The following BANK1 variants were observed in gnomAD, a reference collection of about 807,000 sequenced individuals.
BANK1 encodes the protein B cell scaffold protein with ankyrin repeats 1.
In BANK1, 95 loss-of-function variants were observed where a neutral mutation model predicts 94.5. The observed-to-expected ratio is 1.00, with a 90% CI of 0.85 to 1.19. The LOEUF (loss-of-function observed/expected upper bound fraction) is 1.19, where lower values mean the gene tolerates loss of function less well. Ranked by LOEUF, BANK1 falls within the 50% of genes most tolerant of loss-of-function variation. BANK1 has a pLI of 0.00. For synonymous variants in BANK1, 334 were observed against 308.4 expected, an observed-to-expected ratio of 1.08 and a Z score of -0.87; for missense variants, 987 against 932.2, an observed-to-expected ratio of 1.06 and a Z score of -0.77.
chr4:102,048,025 A>G (rs534426912), intron 11 of BANK1, among the ~76,000 whole-genome samples: 3 of 152,318 alleles, frequency 2.0e-5, no homozygotes, highest in Admixed American at 6.5e-5. Context: ...ATCAAGGTCA[A>G]TTACCTCTAG....
At chr4:102,004,209 C>T (rs1231305270) in intron 7 of BANK1, among the ~76,000 whole-genome samples, 1 of 152,138 alleles carries the variant, frequency 6.6e-6, no homozygotes, top group Non-Finnish European at 1.5e-5. Context: ...TTGCCTGGCA[C>T]ATAGTAGGTG....
At chr4:101,803,097 A>G (rs898716866) in intron 1 of BANK1, among the ~76,000 whole-genome samples, 1 of 151,718 alleles carries the variant, frequency 6.6e-6, no homozygotes, top group South Asian at 2.1e-4. Flanking sequence ...TTATTTAACT[A>G]TGGGATGCAT....
rs1367290917 is a variant in BANK1, at chr4:101,936,221, G to A, written c.1206+18032G>A. Among the ~76,000 whole-genome samples, 3 of 140,090 alleles carry A rather than the reference G, an allele frequency of 2.1e-5. No homozygotes were observed. In the Admixed American group the frequency reaches 2.4e-4, roughly 11 times the overall value. The allele number at this position is 140,090 out of a possible 152,430, so 91.9% of individuals were successfully genotyped here. On this transcript the variant is annotated intron_variant, in intron 7 of 16. Transcript: ENST00000322953. Reference sequence around the variant, plus strand: ...TTTTTTATATATCATATATGTACATGTACACATATATGATATGTATACATA... The same window carrying A: ...TTTTTTATATATCATATATGTACATATACACATATATGATATGTATACATA...
chr4:102,012,077 T>A (rs1295223535), intron 7 of BANK1, among the ~76,000 whole-genome samples: 32 of 152,220 alleles, frequency 2.1e-4, no homozygotes, highest in Admixed American at 2.1e-3. Flanking sequence ...GATACTTCTC[T>A]GCTTAATGAT....
chr4:101,813,774 G>T, intron 1 of BANK1: 1 of 681,956 alleles, frequency 1.5e-6, no homozygotes, highest in Non-Finnish European at 1.8e-6. Flanking sequence ...AGGCCTTGGG[G>T]AGCTTCTGCG....
intron 3 of BANK1, among the ~76,000 whole-genome samples, chr4:101,860,439 AT>A (rs1727825564): frequency 6.7e-6 from 1 of 149,928 alleles, no homozygotes; most frequent in African/African-American, 2.5e-5. Context: ...TTTTATTTTT[AT>A]TTTTTTTCGA....
At chr4:101,862,699 T>C in intron 4 of BANK1, 35 bp downstream of exon 4, 1 of 1,540,410 alleles carries the variant, frequency 6.5e-7, no homozygotes, top group Non-Finnish European at 8.7e-7. Context: ...GCATAAAACA[T>C]TATCCTGAGT....
chr4:101,911,478 C>T (rs1722662506), intron 6 of BANK1, among the ~76,000 whole-genome samples: 1 of 152,010 alleles, frequency 6.6e-6, no homozygotes, highest in South Asian at 2.1e-4. Flanking sequence ...CCATTTTGTC[C>T]TTATGGGTAA....
At position 102,060,404 on chromosome 4, in the gene BANK1, G is replaced by A. The variant is rs1212624011; in HGVS notation, c.2148+15G>A. 6.3e-7 allele frequency: 1 copy of A among 1,589,030 alleles called. No homozygotes were observed. ...TGATTCAGCAGGTAATATTGGCCCA[G>A]TGTTTTCTGGGACATTCCCTCACTT... On this transcript the variant is annotated intron_variant, in intron 12 of 16. Transcript: ENST00000322953.
intron 7 of BANK1, among the ~76,000 whole-genome samples, chr4:101,966,734 T>C (rs1724776388): frequency 6.6e-6 from 1 of 152,004 alleles, no homozygotes; most frequent in Non-Finnish European, 1.5e-5. Context: ...ACTTCAAGGA[T>C]AAGAAATATT....
chr4:101,862,982 T>G (rs1727936019), intron 4 of BANK1, among the ~76,000 whole-genome samples: 1 of 152,070 alleles, frequency 6.6e-6, no homozygotes, highest in Non-Finnish European at 1.5e-5. Flanking sequence ...TTTGCTTTTT[T>G]GTGACATTTG....
At chr4:102,022,051 T>C (rs1726925880) in intron 8 of BANK1, among the ~76,000 whole-genome samples, 1 of 152,078 alleles carries the variant, frequency 6.6e-6, no homozygotes. Flanking sequence ...TACATGTATA[T>C]AAACGTATAT....
intron 7 of BANK1, among the ~76,000 whole-genome samples, chr4:101,939,789 T>A (rs1723682771): frequency 6.6e-6 from 1 of 151,644 alleles, no homozygotes; most frequent in African/African-American, 2.4e-5. Context: ...AAAGTTGACA[T>A]GATTTTAATA....
At chr4:101,831,977 A>G (rs891504915) in intron 2 of BANK1, among the ~76,000 whole-genome samples, 2 of 152,128 alleles carry the variant, frequency 1.3e-5, no homozygotes, top group East Asian at 3.9e-4. Flanking sequence ...CAGGGCTTAC[A>G]TTGTTGACAG....
intron 5 of BANK1, among the ~76,000 whole-genome samples, chr4:101,874,455 C>T (rs1181948429): frequency 6.6e-6 from 1 of 152,054 alleles, no homozygotes. Flanking sequence ...GCTTTTAGGT[C>T]CCTATCTTTC....
At chr4:102,029,562 AT>A (rs1419775754) in intron 9 of BANK1, among the ~76,000 whole-genome samples, 2 of 148,134 alleles carry the variant, frequency 1.4e-5, no homozygotes, top group East Asian at 1.9e-4. Flanking sequence ...AATACATATA[AT>A]TATATTTTAT....
At chr4:101,928,134 G>A (rs1032625462) in intron 7 of BANK1, among the ~76,000 whole-genome samples, 1 of 151,638 alleles carries the variant, frequency 6.6e-6, no homozygotes, top group Non-Finnish European at 1.5e-5. Context: ...TTGGAAAGAT[G>A]ATTTACTGGG....
intron 10 of BANK1, among the ~76,000 whole-genome samples, chr4:102,034,242 G>A (rs2148952336): frequency 6.6e-6 from 1 of 152,248 alleles, no homozygotes. Context: ...CAGGAATGCA[G>A]AATCCCATCT....
chr4:101,868,058 T>C (rs1728142790), intron 4 of BANK1, among the ~76,000 whole-genome samples: 1 of 151,886 alleles, frequency 6.6e-6, no homozygotes, highest in Admixed American at 6.6e-5. Flanking sequence ...TAATATGTTG[T>C]CTATAAAAAA....
Sources: allele counts gnomAD v4.1 joint callset (sites outside exome capture counted in the v4.1 genomes callset), GRCh38; gene constraint gnomAD v4.1.1; transcripts MANE v1.5; gene names NCBI Gene and HGNC (gene_info 2026-07-23, HGNC 2026-07-21).